The following PTCD2 variants were observed in gnomAD, a reference collection of about 807,000 sequenced individuals.
PTCD2 encodes the protein pentatricopeptide repeat-containing protein 2, mitochondrial.
A neutral mutation model predicts 42.6 loss-of-function variants in PTCD2; 31 were observed. That is an observed-to-expected ratio of 0.73 (90% confidence interval 0.55 to 0.98). The LOEUF (loss-of-function observed/expected upper bound fraction) is 0.98. Among genes scored for constraint, PTCD2 ranks in the 50% least tolerant of loss-of-function variants. The pLI, the probability that PTCD2 is intolerant of heterozygous loss-of-function variation, is 0.00. For missense variants in PTCD2, 476 were observed against 454.8 expected, an observed-to-expected ratio of 1.05 and a Z score of -0.42; for synonymous variants, 183 against 170.9, an observed-to-expected ratio of 1.07 and a Z score of -0.55.
chr5:72,332,284 C>A (rs1428197397), intron 4 of PTCD2, among the ~76,000 whole-genome samples: 1 of 152,070 alleles, frequency 6.6e-6, no homozygotes, highest in Admixed American at 6.5e-5. Flanking sequence ...TTTAATGACA[C>A]CTGTGTATTA....
In PTCD2 at chr5:72,366,928, G is replaced by A. The variant is rs1279220185; in HGVS notation, c.*8501G>A. On this transcript the variant is annotated 3_prime_UTR_variant, in exon 10 of 10. Coordinates refer to ENST00000380639, the MANE Select transcript of PTCD2 (RefSeq NM_024754.5). ...ATGGTCATTTGTCTCACTTGGGAAA[G>A]GGTTTCCTCCCAAATTGAGAAGGAA... The A allele has an allele frequency of 6.6e-6, 1 of 152,192 alleles. No individual in the cohort carries two copies. The highest frequency in any genetic ancestry group is 6.5e-5 in the Admixed American group (1 of 15,282). 9.4% of individuals were successfully genotyped at this position (152,192 alleles called of 1,614,324 possible).
intron 8 of PTCD2, among the ~76,000 whole-genome samples, chr5:72,351,419 G>T (rs1343008070): frequency 6.6e-6 from 1 of 152,198 alleles, no homozygotes; most frequent in Admixed American, 6.5e-5. Flanking sequence ...GCAGTAACCT[G>T]TGTGCCTGCA....
intron 8 of PTCD2, among the ~76,000 whole-genome samples, chr5:72,351,015 C>A (rs994799750): frequency 6.6e-6 from 1 of 152,074 alleles, no homozygotes; most frequent in African/African-American, 2.4e-5. Context: ...AATGAGGTTT[C>A]TTTTTTCTAA....
intron 8 of PTCD2, among the ~76,000 whole-genome samples, chr5:72,343,933 C>T (rs973331201): frequency 3.9e-5 from 6 of 152,172 alleles, no homozygotes; most frequent in Non-Finnish European, 5.9e-5. Flanking sequence ...CTTATAGTCT[C>T]CTGAAACAGT....
In PTCD2 at chr5:72,367,297, G is replaced by A. The variant is rs1753227442; in HGVS notation, c.*8870G>A. 6.6e-6 allele frequency: 1 copy of A among 152,138 alleles called. No homozygotes were observed. Among genetic ancestry groups the A allele is most frequent in the African/African-American group, 2.4e-5 (1 of 41,442 alleles). 9.4% of individuals were successfully genotyped at this position (152,138 alleles called of 1,614,324 possible). On this transcript the variant is annotated 3_prime_UTR_variant, in exon 10 of 10. Coordinates refer to ENST00000380639, the MANE Select transcript of PTCD2 (RefSeq NM_024754.5). ...GGGGCTGGGATGGGGATTCTGATGA[G>A]AGATATCCCTGACAGAGACCAGAGC...
At chr5:72,340,768 T>C (rs1325915772) in intron 7 of PTCD2, among the ~76,000 whole-genome samples, 2 of 152,062 alleles carry the variant, frequency 1.3e-5, no homozygotes, top group African/African-American at 4.8e-5. Context: ...TTGAGGTACT[T>C]TTAGGCATTG....
At chr5:72,330,035 C>T (rs528897204) in intron 3 of PTCD2, among the ~76,000 whole-genome samples, 2 of 151,350 alleles carry the variant, frequency 1.3e-5, no homozygotes, top group Non-Finnish European at 2.9e-5. Context: ...TGGGTTCATG[C>T]CATTCTCCTG....
intron 8 of PTCD2, among the ~76,000 whole-genome samples, chr5:72,345,394 A>C (rs1752308439): frequency 6.6e-6 from 1 of 152,204 alleles, no homozygotes; most frequent in African/African-American, 2.4e-5. Context: ...CATGCTCTAC[A>C]AACAATTTGT....
At chr5:72,324,872 A>T (rs1751055153) in intron 2 of PTCD2, among the ~76,000 whole-genome samples, 1 of 151,818 alleles carries the variant, frequency 6.6e-6, no homozygotes, top group African/African-American at 2.4e-5. Flanking sequence ...ATGTTGATTG[A>T]TTTGTTTTAA....
rs1374574233 is a variant in PTCD2 at position 72,366,956 on chromosome 5, T to TC, written c.*8535dup. ...TTTCCTCCCAAATTGAGAAGGAAAA[T>TC]CCCCCCAATTAACTGTTTGCCTTTA... On this transcript the variant is annotated 3_prime_UTR_variant, in exon 10 of 10. Transcript: ENST00000380639. 1 of 152,126 alleles carries TC rather than the reference T, an allele frequency of 6.6e-6. No homozygotes were observed. The highest frequency in any genetic ancestry group is 6.5e-5 in the Admixed American group (1 of 15,278). 9.4% of individuals were successfully genotyped at this position (152,126 alleles called of 1,614,324 possible).
intron 4 of PTCD2, among the ~76,000 whole-genome samples, chr5:72,332,672 T>A (rs1188793206): frequency 3.9e-5 from 6 of 152,136 alleles, no homozygotes; most frequent in African/African-American, 2.4e-5. Flanking sequence ...TGCTTGTATA[T>A]GAAAAAGTCA....
intron 3 of PTCD2, 147 bp from the exon 4 acceptor site, chr5:72,331,111 T>C (rs2112146901): frequency 1.5e-6 from 1 of 653,736 alleles, no homozygotes; most frequent in Non-Finnish European, 2.8e-6. Flanking sequence ...CCTGATTGTC[T>C]GAAATCTCCA....
At chr5:72,330,440 T>C (rs1000191777) in intron 3 of PTCD2, among the ~76,000 whole-genome samples, 1 of 152,218 alleles carries the variant, frequency 6.6e-6, no homozygotes, top group African/African-American at 2.4e-5. Flanking sequence ...TCACTCATTA[T>C]ATGAATCTAA....
rs1753201164 is a variant in PTCD2, at chr5:72,366,184, C to G, written c.*7757C>G. ...TGAGCCTAGACTGCGCCATTGCACT[C>G]TAGCCTAGGCGACAAGAGCGAAACT... On this transcript the variant is annotated 3_prime_UTR_variant, in exon 10 of 10. Coordinates refer to ENST00000380639, the MANE Select transcript of PTCD2 (RefSeq NM_024754.5). 6.6e-6 allele frequency: 1 copy of G among 152,174 alleles called. No individual in the cohort carries two copies. Among genetic ancestry groups the G allele is most frequent in the Non-Finnish European group, 1.5e-5 (1 of 68,046 alleles). 9.4% of individuals were successfully genotyped at this position (152,174 alleles called of 1,614,324 possible).
At chr5:72,326,571 G>A in intron 2 of PTCD2, 41 bp from the exon 3 acceptor site, 1 of 1,610,800 alleles carries the variant, frequency 6.2e-7, no homozygotes, top group South Asian at 1.1e-5. Flanking sequence ...TATACTCTCA[G>A]TCAGCCTGAG....
chr5:72,326,746 G>C lies in PTCD2; in HGVS notation c.350+5G>C. On this transcript the variant is annotated splice_donor_5th_base_variant and intron_variant, in intron 3 of 9. Transcript: ENST00000380639. ...GGCTAAAAATGTCATTTACAGGTGA[G>C]GCATTTCCTTAGAATGTTGCCACCC... is the stretch of plus-strand genomic sequence containing the variant. 1 of 1,613,186 alleles carries C rather than the reference G, an allele frequency of 6.2e-7. No homozygotes were observed. Among genetic ancestry groups the C allele is most frequent in the Non-Finnish European group, 8.5e-7 (1 of 1,179,422 alleles).
At chr5:72,350,497 ACT>A (rs1271347673) in intron 8 of PTCD2, among the ~76,000 whole-genome samples, 1 of 152,148 alleles carries the variant, frequency 6.6e-6, no homozygotes, top group Non-Finnish European at 1.5e-5. Flanking sequence ...TGGATGCAAC[ACT>A]GTGTTTGTTG....
intron 3 of PTCD2, among the ~76,000 whole-genome samples, chr5:72,330,018 C>T (rs1434432700): frequency 2.6e-5 from 4 of 151,474 alleles, no homozygotes; most frequent in Non-Finnish European, 2.9e-5. Flanking sequence ...CTGCAAGCTC[C>T]GCCTCCTGGG....
In PTCD2 at chr5:72,364,696, TGTTTCTGTCCCGGTTTTACA is replaced by T. The variant is rs1753161784; in HGVS notation, c.*6270_*6289del. 1 of 152,206 alleles carries T rather than the reference TGTTTCTGTCCCGGTTTTACA, an allele frequency of 6.6e-6. No individual in the cohort carries two copies. Among genetic ancestry groups the T allele is most frequent in the East Asian group, 1.9e-4 (1 of 5,190 alleles). The allele number at this position is 152,206 out of a possible 1,614,324, so 9.4% of individuals were successfully genotyped here. A position where few individuals can be genotyped will look rare whatever the true frequency, so the allele number is the denominator to read the frequency against. On this transcript the variant is annotated 3_prime_UTR_variant, in exon 10 of 10. Transcript: ENST00000380639. ...CACAGTTTTCTCATAAACTGGTTGC[TGTTTCTGTCCCGGTTTTACA>T]CATGACAGAGCCAAGACACAGACAA...
Sources: gnomAD v4.1 joint callset for allele counts (sites outside exome capture counted in the v4.1 genomes callset) on GRCh38, gnomAD v4.1.1 for gene constraint, MANE v1.5 for transcripts, NCBI Gene and HGNC (gene_info 2026-07-23, HGNC 2026-07-21) for gene names.